The following MCM3AP variants were observed in gnomAD, a reference collection of about 807,000 sequenced individuals.
The protein encoded by MCM3AP is germinal-center associated nuclear protein.
Under a neutral mutation model 184.1 loss-of-function variants are expected in MCM3AP, and 126 were observed. The observed-to-expected ratio is 0.68, with a 90% CI of 0.59 to 0.79. The LOEUF (loss-of-function observed/expected upper bound fraction) is 0.79. Ranked by LOEUF, MCM3AP falls within the 30% of genes least tolerant of loss-of-function variation. The pLI is 0.00. For missense variants in MCM3AP, 2,496 were observed against 2,479.2 expected, an observed-to-expected ratio of 1.01 and a Z score of -0.14; for synonymous variants, 1,002 against 979.3, an observed-to-expected ratio of 1.02 and a Z score of -0.43.
rs370060960 is a variant in MCM3AP, at chr21:46,275,232, G to T, written c.1952C>A (p.Thr651Asn). Residue 651 changes from threonine (T) to asparagine (N), a missense_variant, in exon 6 of 28, where the codon ACC becomes AAC. Thr to Asn is a moderately conservative substitution (Grantham distance 65). Around this residue, in one of 5 missense-constraint regions of MCM3AP, gnomAD observed 130 missense variants for 199.8 expected, o/e 0.65. Coordinates refer to ENST00000291688, the MANE Select transcript of MCM3AP (RefSeq NM_003906.5). The part of the protein sequence containing the change: ...CPEKERYMRE[T>N]RSQLSVFEVV... ...TTCGAACACGCTCAGCTGGCTACGGGTCTCCCGCATGTACCTCTCCTTCTC... is the reference window on the plus strand; with the variant it reads ...TTCGAACACGCTCAGCTGGCTACGGTTCTCCCGCATGTACCTCTCCTTCTC... 11 of 1,614,058 alleles carry T rather than the reference G, an allele frequency of 6.8e-6. No homozygotes were observed. The highest frequency in any genetic ancestry group is 8.5e-6 in the Non-Finnish European group (10 of 1,179,992).
Position 46,242,847 on chromosome 21 carries a change from T to G in MCM3AP, c.5381A>C (p.Gln1794Pro), listed in dbSNP as rs1284978740. The G allele has an allele frequency of 6.8e-6, 11 of 1,613,670 alleles. No individual in the cohort carries two copies. Among genetic ancestry groups the G allele is most frequent in the Non-Finnish European group, 8.5e-6 (10 of 1,179,818 alleles). ...KKYDVPLSWE[Q>P]ARLQTQKELQ... ...CTCCTTCTGCGTCTGCAACCTGGCT[T>G]GTTCCCACGACAAAGGAACATCATA... The change falls in exon 25 of 28, where the codon CAA (glutamine) becomes CCA (proline). Residue 1794 changes from glutamine (Q) to proline (P), a missense_variant. Around this residue, in one of 5 missense-constraint regions of MCM3AP, gnomAD observed 1,323 missense variants for 1,273.4 expected, o/e 1.04. Coordinates refer to ENST00000291688, the MANE Select transcript of MCM3AP (RefSeq NM_003906.5).
intron 9 of MCM3AP, among the ~76,000 whole-genome samples, chr21:46,269,368 C>G (rs1359659869): frequency 1.3e-5 from 2 of 152,162 alleles, no homozygotes; most frequent in African/African-American, 4.8e-5. Context: ...TTTCCCACCT[C>G]CCAAGTTTGC....
chr21:46,255,988 T>C (rs1333772029), intron 17 of MCM3AP, among the ~76,000 whole-genome samples: 1 of 152,152 alleles, frequency 6.6e-6, no homozygotes, highest in Non-Finnish European at 1.5e-5. Context: ...GCGCAGAACC[T>C]GATGGGGCTA....
At chr21:46,273,796 G>A (rs1274645646) in intron 6 of MCM3AP, among the ~76,000 whole-genome samples, 3 of 152,220 alleles carry the variant, frequency 2.0e-5, no homozygotes, top group Admixed American at 2.0e-4. Context: ...ATGACAAGGA[G>A]TTAAGATATG....
intron 8 of MCM3AP, among the ~76,000 whole-genome samples, chr21:46,271,323 T>TG (rs774027760): frequency 1.4e-5 from 2 of 142,038 alleles, no homozygotes; most frequent in African/African-American, 5.2e-5. Context: ...CCACCACACC[T>TG]GGGTTTTTTT....
At chr21:46,267,269 A>T (rs2081125459) in intron 9 of MCM3AP, 127 bp from the exon 10 acceptor site, 1 of 875,892 alleles carries the variant, frequency 1.1e-6, no homozygotes, top group Admixed American at 2.5e-5. Flanking sequence ...GTCCACCAGA[A>T]GGCGCTTTGG....
intron 3 of MCM3AP, 50 bp downstream of exon 3, chr21:46,280,447 T>C (rs1024124274): frequency 1.5e-6 from 2 of 1,362,538 alleles, no homozygotes; most frequent in African/African-American, 1.5e-5. Flanking sequence ...CTCTATAAAA[T>C]AAATAAAAAT....
chr21:46,264,631 C>T (rs536296113), intron 12 of MCM3AP, among the ~76,000 whole-genome samples: 2 of 152,304 alleles, frequency 1.3e-5, no homozygotes, highest in Non-Finnish European at 2.9e-5. Flanking sequence ...GGACCATGCC[C>T]ACCCTGAGGC....
chr21:46,283,961 C>G (rs1271152584), intron 1 of MCM3AP, 107 bp downstream of exon 1: 1 of 1,544,144 alleles, frequency 6.5e-7, no homozygotes, highest in Non-Finnish European at 8.7e-7. Flanking sequence ...GTTAGAATCC[C>G]TAATGTTTAT....
rs2081271923 is a variant in MCM3AP at position 46,277,597 on chromosome 21, T to C, written c.1788A>G (p.Ile596Met). ...CCTTGGATGTCTCAGCCACAGTGCC[T>C]ATCAGGGTACTGAGGGAGAGCACAC... ...GPCVLSLSTL[I>M]GTVAETSKEK... Residue 596 changes from isoleucine to methionine, a missense_variant, in exon 5 of 28, where the codon ATA becomes ATG. Ile to Met is a conservative substitution (Grantham distance 10). This residue lies in a region of MCM3AP where 800 missense variants were observed against 717.1 expected (regional missense o/e 1.12). Coordinates refer to ENST00000291688, the MANE Select transcript of MCM3AP (RefSeq NM_003906.5). 6.2e-7 allele frequency: 1 copy of C among 1,611,392 alleles called. No individual in the cohort carries two copies. Among genetic ancestry groups the C allele is most frequent in the Non-Finnish European group, 8.5e-7 (1 of 1,178,794 alleles).
intron 10 of MCM3AP, 55 bp downstream of exon 10, chr21:46,266,927 G>C (rs2081119524): frequency 6.3e-7 from 1 of 1,590,308 alleles, no homozygotes. Flanking sequence ...CCCTTCATCA[G>C]AATTAACAAG....
At chr21:46,244,161 G>A (rs1392871376) in intron 23 of MCM3AP, among the ~76,000 whole-genome samples, 4 of 152,246 alleles carry the variant, frequency 2.6e-5, no homozygotes, top group African/African-American at 9.6e-5. Context: ...CAATTTAGAA[G>A]GGCGCCTGAG....
intron 4 of MCM3AP, among the ~76,000 whole-genome samples, chr21:46,279,173 A>G (rs774006018): frequency 6.6e-6 from 1 of 151,910 alleles, no homozygotes. Context: ...CTGTAATCTC[A>G]GCTACTAGGG....
chr21:46,266,734 G>C (rs1322163179), intron 10 of MCM3AP: 3 of 511,696 alleles, frequency 5.9e-6, no homozygotes, highest in African/African-American at 1.9e-5. Context: ...CTTTAGGTTT[G>C]TCAGCAAGTC....
At position 46,256,368 on chromosome 21, in the gene MCM3AP, G is replaced by C. The variant is rs373110215; in HGVS notation, c.3932+421C>G. 18 of 175,360 alleles carry C rather than the reference G, an allele frequency of 1.0e-4. No individual in the cohort carries two copies. The Middle Eastern group carries it at 0.011, about 106-fold the overall frequency. The allele number at this position is 175,360 out of a possible 1,614,324, so 10.9% of individuals were successfully genotyped here. On this transcript the variant is annotated intron_variant, in intron 17 of 27. Coordinates refer to ENST00000291688, the MANE Select transcript of MCM3AP (RefSeq NM_003906.5). ...GTCTGGAAGATGCTGCCACAGAAAG[G>C]GGGCAGTGTGTGAAGGAGACGGCGG...
intron 9 of MCM3AP, chr21:46,268,171 T>G (rs1467373322): frequency 1.3e-5 from 2 of 152,194 alleles, no homozygotes; most frequent in Non-Finnish European, 2.9e-5. Flanking sequence ...CACTCCAGCC[T>G]GGGTGACAAA....
Position 46,284,402 on chromosome 21 carries a change from CTCCT to C in MCM3AP, c.881_884del (p.Lys294ArgfsTer35). Reference sequence around the variant, plus strand: ...GTCTCCTTGGGGAGCGATCCTGGTCCTCCTTCCTTTTCAGTCCTTTCATTAGGCT... The same window carrying C: ...GTCTCCTTGGGGAGCGATCCTGGTCCTCCTTTTCAGTCCTTTCATTAGGCT... On this transcript the variant is annotated frameshift_variant, in exon 1 of 28. Coordinates refer to ENST00000291688, the MANE Select transcript of MCM3AP (RefSeq NM_003906.5). LOFTEE classifies it high-confidence loss of function. 6.2e-7 allele frequency: 1 copy of C among 1,614,188 alleles called. No individual in the cohort carries two copies. Among genetic ancestry groups the C allele is most frequent in the Non-Finnish European group, 8.5e-7 (1 of 1,180,040 alleles).
At chr21:46,251,136 C>G (rs1181436254) in intron 20 of MCM3AP, 1 of 155,860 alleles carries the variant, frequency 6.4e-6, no homozygotes, top group African/African-American at 2.4e-5. Context: ...ACTTTGTAAT[C>G]CCAGGAAAAG....
chr21:46,281,783 T>G (rs1473372961), intron 2 of MCM3AP, among the ~76,000 whole-genome samples: 2 of 152,008 alleles, frequency 1.3e-5, no homozygotes, highest in Admixed American at 6.6e-5. Flanking sequence ...CGTGGAACAC[T>G]GAGGTCAGGA....
Sources: gnomAD v4.1 joint callset for allele counts (sites outside exome capture counted in the v4.1 genomes callset) on GRCh38, gnomAD v4.1.1 for gene constraint, gnomAD v4.1.1 regional missense constraint, MANE v1.5 for transcripts, NCBI Gene and HGNC (gene_info 2026-07-23, HGNC 2026-07-21) for gene names.